Variants in AKR1D1 observed in about 807,000 individuals in gnomAD.
AKR1D1 encodes the protein delta(4)-3-ketosteroid 5-beta-reductase.
AKR1D1 carries 32 observed loss-of-function variants against 42.6 expected under a neutral mutation model. The observed-to-expected ratio is 0.75, with a 90% CI of 0.57 to 1.01. The LOEUF (loss-of-function observed/expected upper bound fraction) is 1.01, where lower values mean the gene tolerates loss of function less well. Ranked by LOEUF, AKR1D1 falls within the 50% of genes least tolerant of loss-of-function variation. The pLI is 0.00. For synonymous variants in AKR1D1, 123 were observed against 135.5 expected (o/e 0.91, Z 0.64); for missense variants, 364 against 402.2 (o/e 0.91, Z 0.81).
At chr7:138,089,461 A>C (rs1297379704) in intron 2 of AKR1D1, among the ~76,000 whole-genome samples, 1 of 151,996 alleles carries the variant, frequency 6.6e-6, no homozygotes, top group Non-Finnish European at 1.5e-5. Flanking sequence ...CAAGCTCATA[A>C]GGTCACCAAT....
At position 138,116,719 on chromosome 7, in the gene AKR1D1, G is replaced by T; in HGVS notation, c.*57G>T. ...CCCACGAGTGCCAAGACGGTGCAAT[G>T]GGTAGTCCCCTAGATGTGAAAATGA... On this transcript the variant is annotated 3_prime_UTR_variant, in exon 9 of 9. Transcript: ENST00000242375. The T allele has an allele frequency of 6.8e-7, 1 of 1,478,216 alleles. No individual in the cohort carries two copies. The allele number at this position is 1,478,216 out of a possible 1,614,324, so 91.6% of individuals were successfully genotyped here.
In AKR1D1 at chr7:138,079,603, A is replaced by G. The variant is rs76537445; in HGVS notation, c.93+2992A>G. ...TCTAACACTTTTTGGAGAATGCTGTAAAGTAATTATTAATTTGTAAGCAAC... is the reference window on the plus strand; with the variant it reads ...TCTAACACTTTTTGGAGAATGCTGTGAAGTAATTATTAATTTGTAAGCAAC... On this transcript the variant is annotated intron_variant, in intron 1 of 8. Coordinates refer to ENST00000242375, the MANE Select transcript of AKR1D1 (RefSeq NM_005989.4). Among the ~76,000 whole-genome samples, 14 of 152,358 alleles carry G rather than the reference A, an allele frequency of 9.2e-5. No homozygotes were observed. The East Asian group carries it at 2.7e-3, about 29-fold the overall frequency.
At chr7:138,109,795 T>G (rs1278249719) in intron 7 of AKR1D1, among the ~76,000 whole-genome samples, 1 of 152,170 alleles carries the variant, frequency 6.6e-6, no homozygotes, top group Non-Finnish European at 1.5e-5. Flanking sequence ...TAAAACACAT[T>G]TTGATGGACT....
Position 138,091,761 on chromosome 7 carries a change from C to A in AKR1D1, c.262-7C>A, listed in dbSNP as rs144365681. ...ATTAGTTAATTCTCCCTCTTTGATT[C>A]TTTCAGCTATGGGCTACAAATCATG... On this transcript the variant is annotated splice_region_variant and splice_polypyrimidine_tract_variant and intron_variant, in intron 2 of 8. Transcript: ENST00000242375. 1.5e-4 allele frequency: 235 copies of A among 1,596,458 alleles called. No homozygotes were observed. The East Asian group carries it at 3.4e-3, about 23-fold the overall frequency.
At chr7:138,084,209 G>A (rs58783780) in intron 1 of AKR1D1, among the ~76,000 whole-genome samples, 24,183 of 146,670 alleles carry the variant, frequency 0.16, 2,057 homozygotes, top group African/African-American at 0.2. Context: ...AATGCCTACT[G>A]TCTTTTCAGT....
intron 7 of AKR1D1, among the ~76,000 whole-genome samples, chr7:138,110,713 A>G (rs1018527460): frequency 1.1e-4 from 17 of 152,212 alleles, no homozygotes; most frequent in African/African-American, 4.8e-5. Context: ...AGATCATACC[A>G]TAGCACTCCA....
In AKR1D1 at chr7:138,088,545, T is replaced by G. The variant is rs2120846; in HGVS notation, c.94-56T>G. 0.74 allele frequency: 1,169,108 copies of G among 1,574,146 alleles called. 436,130 individuals carry two copies. The highest frequency in any genetic ancestry group is 0.88 in the African/African-American group (65,363 of 74,088). ...CATGCAAAATGTCCTGATTAATGAT[T>G]ATTAAAGGAAAGACCATTTCTCTTT... On this transcript the variant is annotated intron_variant, in intron 1 of 8. Transcript: ENST00000242375.
At chr7:138,079,949 T>C (rs1803018619) in intron 1 of AKR1D1, among the ~76,000 whole-genome samples, 2 of 152,204 alleles carry the variant, frequency 1.3e-5, no homozygotes, top group African/African-American at 4.8e-5. Context: ...CCATGCCACA[T>C]GTAAACAATA....
intron 3 of AKR1D1, among the ~76,000 whole-genome samples, chr7:138,093,215 A>G (rs1794119516): frequency 6.6e-6 from 1 of 151,892 alleles, no homozygotes; most frequent in African/African-American, 2.4e-5. Flanking sequence ...ACTACAGGCA[A>G]GCACCATCAC....
At chr7:138,082,426 G>T (rs1484037461) in intron 1 of AKR1D1, among the ~76,000 whole-genome samples, 5 of 151,896 alleles carry the variant, frequency 3.3e-5, no homozygotes, top group Non-Finnish European at 7.4e-5. Context: ...GGACTGCAGT[G>T]GTGCAATCGT....
At chr7:138,108,925 A>C (rs1330198734) in intron 7 of AKR1D1, among the ~76,000 whole-genome samples, 1 of 152,226 alleles carries the variant, frequency 6.6e-6, no homozygotes, top group African/African-American at 2.4e-5. Context: ...AAAACATACA[A>C]TGTTATCTGT....
chr7:138,087,945 C>T (rs2117426030), intron 1 of AKR1D1, among the ~76,000 whole-genome samples: 1 of 149,340 alleles, frequency 6.7e-6, no homozygotes, highest in South Asian at 2.1e-4. Flanking sequence ...GTCTGGAGTA[C>T]AGTGGCATGA....
chr7:138,092,524 C>T (rs542449386), intron 3 of AKR1D1, among the ~76,000 whole-genome samples: 63 of 152,220 alleles, frequency 4.1e-4, no homozygotes, highest in African/African-American at 1.4e-3. Context: ...TTACACAAAC[C>T]GAGGTGGTAA....
intron 1 of AKR1D1, among the ~76,000 whole-genome samples, chr7:138,082,842 T>A (rs116728027): frequency 6.6e-5 from 10 of 152,328 alleles, no homozygotes; most frequent in African/African-American, 2.4e-4. Flanking sequence ...AGAATTTCCT[T>A]CTTTTTTGAG....
chr7:138,081,818 G>A lies in AKR1D1; in HGVS notation c.93+5207G>A, dbSNP rs1467055270. Among the ~76,000 whole-genome samples, 5 of 152,068 alleles carry A rather than the reference G, an allele frequency of 3.3e-5. No individual in the cohort carries two copies. In the East Asian group the frequency reaches 7.7e-4, roughly 23 times the overall value. On this transcript the variant is annotated intron_variant, in intron 1 of 8. Transcript: ENST00000242375. ...GCTGGTCTCGAACTGCCGACCTCAG[G>A]TGATTCACCTGCCTCGGCCTCCCAA... is the stretch of plus-strand genomic sequence containing the variant.
At chr7:138,113,577 T>A in intron 7 of AKR1D1, 113 bp from the exon 8 acceptor site, 1 of 883,786 alleles carries the variant, frequency 1.1e-6, no homozygotes, top group Non-Finnish European at 1.8e-6. Context: ...GCCTGACTCC[T>A]CTTAGACATT....
chr7:138,111,133 C>T (rs185994005), intron 7 of AKR1D1, among the ~76,000 whole-genome samples: 2 of 152,268 alleles, frequency 1.3e-5, no homozygotes, highest in South Asian at 2.1e-4. Context: ...CTAATAAATC[C>T]TCCATAGCCT....
intron 4 of AKR1D1, among the ~76,000 whole-genome samples, chr7:138,098,567 G>T (rs1794228913): frequency 6.6e-6 from 1 of 152,132 alleles, no homozygotes; most frequent in African/African-American, 2.4e-5. Flanking sequence ...CCGAGATCAT[G>T]CCACTGCACT....
chr7:138,116,920 CAGAAAAAAA>C lies in AKR1D1; in HGVS notation c.*259_*267del. 2.3e-6 allele frequency: 1 copy of C among 442,462 alleles called. No individual in the cohort carries two copies. The highest frequency in any genetic ancestry group is 4.0e-6 in the Non-Finnish European group (1 of 249,466). 27.4% of individuals were successfully genotyped at this position (442,462 alleles called of 1,614,324 possible). A position where few individuals can be genotyped will look rare whatever the true frequency, so the allele number is the denominator to read the frequency against. On this transcript the variant is annotated 3_prime_UTR_variant, in exon 9 of 9. Coordinates refer to ENST00000242375, the MANE Select transcript of AKR1D1 (RefSeq NM_005989.4). ...AGATCAGTATCTTCTAGATTCCAGA[CAGAAAAAAA>C]TTACACTTCAGAAAAGACATCAAAG... is the stretch of plus-strand genomic sequence containing the variant.
Sources: allele counts gnomAD v4.1 joint callset (sites outside exome capture counted in the v4.1 genomes callset), GRCh38; gene constraint gnomAD v4.1.1; transcripts MANE v1.5; gene names NCBI Gene and HGNC (gene_info 2026-07-23, HGNC 2026-07-21).